Variants in NRXN1 observed in about 807,000 individuals in gnomAD.
NRXN1 encodes neurexin-1.
NRXN1 carries 39 observed loss-of-function variants against 150.9 expected under a neutral mutation model. The observed-to-expected ratio is 0.26, with a 90% CI of 0.20 to 0.34. NRXN1 has a LOEUF of 0.34. Among genes scored for constraint, NRXN1 ranks in the 10% least tolerant of loss-of-function variants. The pLI, the probability that NRXN1 is intolerant of heterozygous loss-of-function variation, is 1.00. For missense variants in NRXN1, 1,815 were observed against 1,949.9 expected (o/e 0.93, Z 1.30); for synonymous variants, 924 against 757.0 (o/e 1.22, Z -3.62).
intron 12 of NRXN1, among the ~76,000 whole-genome samples, chr2:50,521,654 C>T (rs911699764): frequency 6.6e-6 from 1 of 152,118 alleles, no homozygotes; most frequent in Non-Finnish European, 1.5e-5. Context: ...ACATGTTAGC[C>T]AGTAATCTGT....
At chr2:50,113,643 T>C (rs1299776828) in intron 18 of NRXN1, among the ~76,000 whole-genome samples, 1 of 152,192 alleles carries the variant, frequency 6.6e-6, no homozygotes, top group Non-Finnish European at 1.5e-5. Flanking sequence ...AAAAAGCATA[T>C]GGAAAATGTA....
intron 17 of NRXN1, among the ~76,000 whole-genome samples, chr2:50,329,616 TG>T (rs2076653511): frequency 7.2e-5 from 1 of 13,898 alleles, no homozygotes; most frequent in Non-Finnish European, 1.3e-4. Flanking sequence ...TGTGTGTGTG[TG>T]TATATATATA....
At chr2:50,700,741 A>G (rs1286871987) in intron 5 of NRXN1, among the ~76,000 whole-genome samples, 2 of 152,098 alleles carry the variant, frequency 1.3e-5, no homozygotes, top group Non-Finnish European at 2.9e-5. Context: ...TTAGAGAAAA[A>G]TGTGAGGATA....
At chr2:50,583,341 G>A (rs1042734377) in intron 8 of NRXN1, among the ~76,000 whole-genome samples, 5 of 152,080 alleles carry the variant, frequency 3.3e-5, no homozygotes, top group African/African-American at 7.2e-5. Flanking sequence ...CACACCTAGC[G>A]CCTCTACCTT....
At position 50,465,433 on chromosome 2, in the gene NRXN1, G is replaced by T. The variant is rs200767650; in HGVS notation, c.3364+9C>A. The T allele has an allele frequency of 6.2e-7, 1 of 1,604,398 alleles. No individual in the cohort carries two copies. The highest frequency in any genetic ancestry group is 1.3e-5 in the African/African-American group (1 of 74,702). On this transcript the variant is annotated intron_variant, in intron 17 of 22. Coordinates refer to ENST00000401669, the MANE Select transcript of NRXN1 (RefSeq NM_001330078.2). ...ATGAGTATCAGTCCATACTCAGAGA[G>T]GTACTTACGGTCATTGCAGAGTGGT...
At chr2:50,316,907 A>C (rs2075653270) in intron 17 of NRXN1, among the ~76,000 whole-genome samples, 3 of 152,014 alleles carry the variant, frequency 2.0e-5, no homozygotes, top group Admixed American at 2.0e-4. Flanking sequence ...GATTTCTTTT[A>C]GGTAACTTTT....
intron 17 of NRXN1, among the ~76,000 whole-genome samples, chr2:50,279,782 A>G (rs2071157806): frequency 6.6e-6 from 1 of 152,204 alleles, no homozygotes; most frequent in Non-Finnish European, 1.5e-5. Context: ...TAGTAGCGAT[A>G]AAATATTAAG....
At chr2:49,960,388 C>A (rs1362708908) in intron 21 of NRXN1, among the ~76,000 whole-genome samples, 1 of 152,172 alleles carries the variant, frequency 6.6e-6, no homozygotes, top group Non-Finnish European at 1.5e-5. Flanking sequence ...GGTGGCCTAT[C>A]TCACCAGTGT....
intron 17 of NRXN1, among the ~76,000 whole-genome samples, chr2:50,407,949 TA>T (rs1382410539): frequency 3.9e-5 from 6 of 152,210 alleles, no homozygotes; most frequent in Non-Finnish European, 8.8e-5. Flanking sequence ...TCACTCATAC[TA>T]TTTTAACATC....
intron 5 of NRXN1, among the ~76,000 whole-genome samples, chr2:50,779,011 A>G (rs1479008775): frequency 6.6e-6 from 1 of 152,126 alleles, no homozygotes; most frequent in African/African-American, 2.4e-5. Context: ...ACCTATATAC[A>G]TCTACATTTT....
intron 15 of NRXN1, among the ~76,000 whole-genome samples, chr2:50,492,814 T>G (rs2091333577): frequency 6.6e-6 from 1 of 152,134 alleles, no homozygotes; most frequent in Admixed American, 6.5e-5. Flanking sequence ...AAAACCAGGA[T>G]TTATACAAAA....
At chr2:50,405,106 T>C (rs1473999199) in intron 17 of NRXN1, among the ~76,000 whole-genome samples, 2 of 152,182 alleles carry the variant, frequency 1.3e-5, no homozygotes, top group Admixed American at 1.3e-4. Context: ...TGTCTATCTC[T>C]GCATTCTTCA....
intron 9 of NRXN1, among the ~76,000 whole-genome samples, chr2:50,546,649 T>C (rs1558915445): frequency 6.6e-6 from 1 of 152,256 alleles, no homozygotes; most frequent in African/African-American, 2.4e-5. Flanking sequence ...CAATAAATGA[T>C]TTTTTTCTAT....
At chr2:50,412,114 A>G (rs1039616256) in intron 17 of NRXN1, among the ~76,000 whole-genome samples, 1 of 152,118 alleles carries the variant, frequency 6.6e-6, no homozygotes, top group Non-Finnish European at 1.5e-5. Context: ...GCTTGAAGGC[A>G]GCATACTCAT....
At chr2:50,820,969 C>A (rs1322345404) in intron 5 of NRXN1, among the ~76,000 whole-genome samples, 1 of 152,152 alleles carries the variant, frequency 6.6e-6, no homozygotes, top group Non-Finnish European at 1.5e-5. Context: ...ATTAAATTGT[C>A]AATAAAACTG....
chr2:50,102,966 T>TA (rs1701165624), intron 18 of NRXN1, among the ~76,000 whole-genome samples: 1 of 152,084 alleles, frequency 6.6e-6, no homozygotes, highest in Non-Finnish European at 1.5e-5. Context: ...TTTGCACAAA[T>TA]AGAGCAATTG....
intron 17 of NRXN1, among the ~76,000 whole-genome samples, chr2:50,301,714 A>C (rs549080145): frequency 6.6e-6 from 1 of 152,278 alleles, no homozygotes; most frequent in South Asian, 2.1e-4. Flanking sequence ...ATGTGCTCTG[A>C]CAATACAGGA....
rs2078077455 is a variant in NRXN1 at position 50,347,259 on chromosome 2, GT to G, written c.3365-110290del. The G allele has an allele frequency of 7.6e-7, 1 of 1,316,654 alleles. No individual in the cohort carries two copies. The highest frequency in any genetic ancestry group is 1.2e-5 in the South Asian group (1 of 81,174). The allele number at this position is 1,316,654 out of a possible 1,614,324, so 81.6% of individuals were successfully genotyped here. ...TGCTCCCAGATTTCCAGGGCTCCAG[GT>G]TCTCGAGAGATACTCCCAAAGAGTT... On this transcript the variant is annotated intron_variant, in intron 17 of 22. Coordinates refer to ENST00000401669, the MANE Select transcript of NRXN1 (RefSeq NM_001330078.2). The surrounding 1 kb of genome is among the most constrained non-coding windows in gnomAD (Gnocchi z 4.9).
chr2:50,943,144 C>T (rs1689753450), intron 2 of NRXN1, among the ~76,000 whole-genome samples: 1 of 152,076 alleles, frequency 6.6e-6, no homozygotes, highest in South Asian at 2.1e-4. Flanking sequence ...CCTACTTCCC[C>T]TGCACCTTCT....
Sources: gnomAD v4.1 joint callset for allele counts (sites outside exome capture counted in the v4.1 genomes callset) on GRCh38, gnomAD v4.1.1 for gene constraint, Gnocchi (gnomAD v3.1) non-coding constraint, MANE v1.5 for transcripts, NCBI Gene and HGNC (gene_info 2026-07-23, HGNC 2026-07-21) for gene names.